Variants in ZDHHC14 observed in about 807,000 individuals in gnomAD.
ZDHHC14 encodes palmitoyltransferase ZDHHC14.
In ZDHHC14, 16 loss-of-function variants were observed where a neutral mutation model predicts 47.7. The ratio of observed to expected loss-of-function variants is 0.34; its 90% confidence interval spans 0.23 to 0.51. ZDHHC14 has a LOEUF of 0.51. Among genes scored for constraint, ZDHHC14 ranks in the 20% least tolerant of loss-of-function variants. The pLI is 0.97. For missense variants in ZDHHC14, 515 were observed against 662.5 expected (o/e 0.78, Z 2.44); for synonymous variants, 293 against 278.9 (o/e 1.05, Z -0.50).
At chr6:157,545,398 C>T (rs1334608013) in intron 2 of ZDHHC14, among the ~76,000 whole-genome samples, 2 of 151,890 alleles carry the variant, frequency 1.3e-5, no homozygotes, top group East Asian at 1.9e-4. Flanking sequence ...AGGAGGAGGC[C>T]GGGCGCAGTG....
At chr6:157,444,642 C>T (rs1778623551) in intron 1 of ZDHHC14, among the ~76,000 whole-genome samples, 1 of 151,060 alleles carries the variant, frequency 6.6e-6, no homozygotes, top group South Asian at 2.1e-4. Context: ...TGCACCATTG[C>T]ACCCCAGCCT....
intron 6 of ZDHHC14, 54 bp downstream of exon 6, chr6:157,645,893 A>C (rs1333630954): frequency 6.7e-7 from 1 of 1,482,108 alleles, no homozygotes; most frequent in African/African-American, 1.4e-5. Flanking sequence ...TGGGCAATGG[A>C]GGAGAAAAAG....
chr6:157,638,994 G>A (rs1199901075), intron 5 of ZDHHC14, among the ~76,000 whole-genome samples: 2 of 152,238 alleles, frequency 1.3e-5, no homozygotes, highest in Non-Finnish European at 1.5e-5. Flanking sequence ...GGCCATGCCT[G>A]GCATCCTGGT....
intron 1 of ZDHHC14, among the ~76,000 whole-genome samples, chr6:157,523,317 C>G (rs1277621745): frequency 2.6e-5 from 4 of 152,014 alleles, no homozygotes; most frequent in Non-Finnish European, 5.9e-5. Flanking sequence ...CCAAAAATGT[C>G]TTTCTCAGTT....
At chr6:157,563,668 G>A (rs1392414772) in intron 2 of ZDHHC14, among the ~76,000 whole-genome samples, 1 of 152,180 alleles carries the variant, frequency 6.6e-6, no homozygotes, top group Non-Finnish European at 1.5e-5. Flanking sequence ...GGCATGCGGT[G>A]GGCACTGAAC....
At chr6:157,528,129 G>A (rs777010779) in intron 1 of ZDHHC14, among the ~76,000 whole-genome samples, 4 of 151,980 alleles carry the variant, frequency 2.6e-5, no homozygotes, top group South Asian at 2.1e-4. Flanking sequence ...TTTCTCCACC[G>A]TATTCTTTAA....
chr6:157,511,129 G>A (rs939989688), intron 1 of ZDHHC14, among the ~76,000 whole-genome samples: 2 of 152,148 alleles, frequency 1.3e-5, no homozygotes, highest in Non-Finnish European at 2.9e-5. Context: ...CTCTTTTTGT[G>A]TGGGTTCCAG....
intron 1 of ZDHHC14, among the ~76,000 whole-genome samples, chr6:157,440,162 TTAA>T (rs199803371): frequency 0.24 from 34,995 of 147,878 alleles, 5,119 homozygotes; most frequent in East Asian, 0.55. Context: ...CCCTGGAACT[TTAA>T]TAATAATAAT....
chr6:157,396,524 T>TA (rs1004894987), intron 1 of ZDHHC14, among the ~76,000 whole-genome samples: 33 of 152,234 alleles, frequency 2.2e-4, no homozygotes, highest in African/African-American at 7.7e-4. Context: ...ATTCTTGACT[T>TA]AAATTATCTC....
chr6:157,536,174 A>G (rs1430523645), intron 1 of ZDHHC14, among the ~76,000 whole-genome samples: 1 of 152,244 alleles, frequency 6.6e-6, no homozygotes, highest in Non-Finnish European at 1.5e-5. Context: ...GCAAAGTAGC[A>G]ACTCCCTGGA....
intron 1 of ZDHHC14, among the ~76,000 whole-genome samples, chr6:157,409,388 G>A (rs138925955): frequency 2.1e-3 from 315 of 152,222 alleles, no homozygotes; most frequent in Admixed American, 3.9e-3. Context: ...AGGGAGCAGC[G>A]GGTTACGTAT....
intron 1 of ZDHHC14, among the ~76,000 whole-genome samples, chr6:157,536,393 T>C (rs1027646230): frequency 4.6e-5 from 7 of 152,252 alleles, no homozygotes; most frequent in Non-Finnish European, 7.3e-5. Flanking sequence ...TATCCATTTA[T>C]AGACAAAACA....
At chr6:157,595,617 C>T (rs1273146275) in intron 3 of ZDHHC14, among the ~76,000 whole-genome samples, 1 of 152,138 alleles carries the variant, frequency 6.6e-6, no homozygotes, top group African/African-American at 2.4e-5. Flanking sequence ...TTGTTCCCTC[C>T]CATTGCCCAC....
chr6:157,573,685 G>A (rs558595906), intron 2 of ZDHHC14, among the ~76,000 whole-genome samples: 5 of 152,294 alleles, frequency 3.3e-5, no homozygotes, highest in African/African-American at 4.8e-5. Context: ...CTTTGTGCAC[G>A]TGGTCCAAGC....
At chr6:157,412,466 T>C (rs2114759418) in intron 1 of ZDHHC14, among the ~76,000 whole-genome samples, 1 of 152,186 alleles carries the variant, frequency 6.6e-6, no homozygotes, top group Non-Finnish European at 1.5e-5. Flanking sequence ...CTAATTTTTA[T>C]ATTTTTAATA....
At chr6:157,642,100 T>G (rs1357684165) in intron 5 of ZDHHC14, among the ~76,000 whole-genome samples, 1 of 152,128 alleles carries the variant, frequency 6.6e-6, no homozygotes, top group South Asian at 2.1e-4. Flanking sequence ...ACTAAAAAAA[T>G]TTTAAAACAC....
At chr6:157,604,164 G>A (rs1048124345) in intron 3 of ZDHHC14, among the ~76,000 whole-genome samples, 2 of 152,052 alleles carry the variant, frequency 1.3e-5, no homozygotes, top group Non-Finnish European at 2.9e-5. Context: ...GCGGGTGCCT[G>A]TAAGCCCAAC....
At chr6:157,384,861 GGCCT>G (rs1777280764) in intron 1 of ZDHHC14, among the ~76,000 whole-genome samples, 1 of 152,150 alleles carries the variant, frequency 6.6e-6, no homozygotes. Context: ...GCCTGCCCCT[GGCCT>G]GCCTTTCTCC....
At position 157,678,139 on chromosome 6, in the gene ZDHHC14, T is replaced by C. The variant is rs1779001618; in HGVS notation, c.*5017T>C. On this transcript the variant is annotated 3_prime_UTR_variant, in exon 9 of 9. Coordinates refer to ENST00000359775, the MANE Select transcript of ZDHHC14 (RefSeq NM_024630.3). ...ATTTTTCTCCTTCAATAAAAACTGCTAATGGCATAAAATGTAAATTTCAGC... is the reference window on the plus strand; with the variant it reads ...ATTTTTCTCCTTCAATAAAAACTGCCAATGGCATAAAATGTAAATTTCAGC... 1 of 152,252 alleles carries C rather than the reference T, an allele frequency of 6.6e-6. No homozygotes were observed. Among genetic ancestry groups the C allele is most frequent in the Non-Finnish European group, 1.5e-5 (1 of 68,032 alleles). 9.4% of individuals were successfully genotyped at this position (152,252 alleles called of 1,614,324 possible).
Sources: gnomAD v4.1 joint callset for allele counts (sites outside exome capture counted in the v4.1 genomes callset) on GRCh38, gnomAD v4.1.1 for gene constraint, MANE v1.5 for transcripts, NCBI Gene and HGNC (gene_info 2026-07-23, HGNC 2026-07-21) for gene names.